AGAP1: variants seen among roughly 807,000 people sequenced by gnomAD.
The protein encoded by AGAP1 is ArfGAP with GTPase domain, ankyrin repeat and PH domain 1.
A neutral mutation model predicts 105.3 loss-of-function variants in AGAP1; 29 were observed. That is an observed-to-expected ratio of 0.28 (90% confidence interval 0.21 to 0.38). The LOEUF (loss-of-function observed/expected upper bound fraction) is 0.38, where lower values mean the gene tolerates loss of function less well. AGAP1 is among the 10% of genes least tolerant of loss of function. AGAP1 has a pLI of 1.00. For missense variants in AGAP1, 998 were observed against 1,165.1 expected (o/e 0.86, Z 2.09); for synonymous variants, 509 against 485.9 (o/e 1.05, Z -0.63).
chr2:235,834,143 C>T (rs1959822573), intron 9 of AGAP1, among the ~76,000 whole-genome samples: 2 of 152,124 alleles, frequency 1.3e-5, no homozygotes, highest in Non-Finnish European at 2.9e-5. Context: ...GGTTAGTTCT[C>T]AGCGTGATCA....
chr2:236,031,728 T>C (rs2057230254), intron 13 of AGAP1, among the ~76,000 whole-genome samples: 2 of 152,072 alleles, frequency 1.3e-5, no homozygotes, highest in Non-Finnish European at 2.9e-5. Context: ...CATCATTTTT[T>C]TCTGTCCTGG....
Position 235,522,013 on chromosome 2 carries a change from G to A in AGAP1, c.163+27164G>A, listed in dbSNP as rs77742623. ...GTCAAACTATTGGATGTTTGCCAGA[G>A]AGGCACAGCTTGGTTTTTGAATACA... On this transcript the variant is annotated intron_variant, in intron 1 of 17. Coordinates refer to ENST00000304032, the MANE Select transcript of AGAP1 (RefSeq NM_001037131.3). Among the ~76,000 whole-genome samples the A allele has an allele frequency of 2.0e-5, 3 of 152,250 alleles. No individual in the cohort carries two copies. In the East Asian group the frequency reaches 5.8e-4, roughly 29 times the overall value.
intron 1 of AGAP1, among the ~76,000 whole-genome samples, chr2:235,678,561 T>C (rs1185554947): frequency 6.6e-6 from 1 of 152,158 alleles, no homozygotes; most frequent in Non-Finnish European, 1.5e-5. Context: ...GTGTTGTTGC[T>C]GGTAGAATTG....
At chr2:235,511,052 C>T (rs1238181981) in intron 1 of AGAP1, among the ~76,000 whole-genome samples, 1 of 152,094 alleles carries the variant, frequency 6.6e-6, no homozygotes. Flanking sequence ...GGACATTTGG[C>T]CATGTCTGGG....
At position 235,866,953 on chromosome 2, in the gene AGAP1, G is replaced by A. The variant is rs756346490; in HGVS notation, c.1051-16392G>A. On this transcript the variant is annotated intron_variant, in intron 9 of 17. Transcript: ENST00000304032. The surrounding 1 kb of genome is among the most constrained non-coding windows in gnomAD (Gnocchi z 6.1). ...TAGAGTCACATCGTGAGTGCTGGGC[G>A]TTAGGATCTCAATATCTGAATTAGG... Among the ~76,000 whole-genome samples, 15 of 152,174 alleles carry A rather than the reference G, an allele frequency of 9.9e-5. No homozygotes were observed. Among genetic ancestry groups the A allele is most frequent in the African/African-American group, 2.7e-4 (11 of 41,430 alleles).
Position 235,611,672 on chromosome 2 carries a change from G to T in AGAP1, c.164-97507G>T, listed in dbSNP as rs1052822510. Reference sequence around the variant, plus strand: ...GATTGATAAGCAGGATAGTAAACCAGTTGTGAGGAACATTGTATAGAGAAA... The same window carrying T: ...GATTGATAAGCAGGATAGTAAACCATTTGTGAGGAACATTGTATAGAGAAA... On this transcript the variant is annotated intron_variant, in intron 1 of 17. Transcript: ENST00000304032. This position sits in a 1 kb window ranked among gnomAD's most constrained non-coding sequence, Gnocchi z 5.0. Among the ~76,000 whole-genome samples, 18 of 152,226 alleles carry T rather than the reference G, an allele frequency of 1.2e-4. No homozygotes were observed. Among genetic ancestry groups the T allele is most frequent in the Non-Finnish European group, 2.2e-4 (15 of 68,046 alleles).
In AGAP1 at chr2:235,609,131, C is replaced by CT. The variant is rs1260158242; in HGVS notation, c.164-100046dup. Among the ~76,000 whole-genome samples the CT allele has an allele frequency of 3.3e-5, 5 of 152,010 alleles. No individual in the cohort carries two copies. The highest frequency in any genetic ancestry group is 6.6e-5 in the Admixed American group (1 of 15,248). On this transcript the variant is annotated intron_variant, in intron 1 of 17. Transcript: ENST00000304032. This position sits in a 1 kb window ranked among gnomAD's most constrained non-coding sequence, Gnocchi z 5.1. ...GCTGATGAATTTGTTTCCTTCTTGCCTTATTTTTGGCAGTTTTCTTTCTTG... is the reference window on the plus strand; with the variant it reads ...GCTGATGAATTTGTTTCCTTCTTGCCTTTATTTTTGGCAGTTTTCTTTCTTG...
chr2:235,937,231 G>A (rs550782771), intron 12 of AGAP1, among the ~76,000 whole-genome samples: 42 of 152,270 alleles, frequency 2.8e-4, no homozygotes, highest in African/African-American at 8.7e-4. Context: ...AGGGCTGCTC[G>A]GCTCGCCAGG....
At position 235,664,700 on chromosome 2, in the gene AGAP1, G is replaced by T. The variant is rs1017890667; in HGVS notation, c.164-44479G>T. Among the ~76,000 whole-genome samples, 1 of 152,180 alleles carries T rather than the reference G, an allele frequency of 6.6e-6. No individual in the cohort carries two copies. The highest frequency in any genetic ancestry group is 1.5e-5 in the Non-Finnish European group (1 of 68,030). On this transcript the variant is annotated intron_variant, in intron 1 of 17. Coordinates refer to ENST00000304032, the MANE Select transcript of AGAP1 (RefSeq NM_001037131.3). This position sits in a 1 kb window ranked among gnomAD's most constrained non-coding sequence, Gnocchi z 5.7. The stretch of plus-strand genomic sequence containing the variant: ...AGTGGAAATGAAGTCTCAGTGTGGG[G>T]TCCGATGCTTCCTATGGCTGCATGG...
At chr2:235,527,109 A>G (rs1332149561) in intron 1 of AGAP1, among the ~76,000 whole-genome samples, 1 of 152,168 alleles carries the variant, frequency 6.6e-6, no homozygotes. Context: ...TGTAGCAATC[A>G]GTAGAAATAG....
intron 1 of AGAP1, among the ~76,000 whole-genome samples, chr2:235,651,208 AAAAAAAAAAG>A (rs1192505317): frequency 4.3e-5 from 6 of 140,482 alleles, no homozygotes; most frequent in Non-Finnish European, 6.1e-5. Flanking sequence ...AAAAAAAAAA[AAAAAAAAAAG>A]AGACACCCTT....
chr2:235,648,367 C>G (rs191943831), intron 1 of AGAP1, among the ~76,000 whole-genome samples: 1 of 152,340 alleles, frequency 6.6e-6, no homozygotes, highest in Admixed American at 6.5e-5. Context: ...TGCATTCTCC[C>G]TTCATCAGTG....
intron 1 of AGAP1, among the ~76,000 whole-genome samples, chr2:235,648,743 T>G (rs1947479090): frequency 6.8e-6 from 1 of 147,990 alleles, no homozygotes; most frequent in South Asian, 2.1e-4. Flanking sequence ...AAACATTAGC[T>G]GGGCATGGTG....
At position 235,752,565 on chromosome 2, in the gene AGAP1, G is replaced by GA. The variant is rs1425864858; in HGVS notation, c.673+2078dup. ...GCCCCTCTCCAGCTGTGACAGCAGAGATGAGGGTCTTTGCGGCCTGAGAAG... is the reference window on the plus strand; with the variant it reads ...GCCCCTCTCCAGCTGTGACAGCAGAGAATGAGGGTCTTTGCGGCCTGAGAAG... On this transcript the variant is annotated intron_variant, in intron 6 of 17. Coordinates refer to ENST00000304032, the MANE Select transcript of AGAP1 (RefSeq NM_001037131.3). This position sits in a 1 kb window ranked among gnomAD's most constrained non-coding sequence, Gnocchi z 4.3. Among the ~76,000 whole-genome samples the GA allele has an allele frequency of 6.6e-6, 1 of 152,200 alleles. No individual in the cohort carries two copies. The highest frequency in any genetic ancestry group is 2.4e-5 in the African/African-American group (1 of 41,460).
chr2:235,854,491 G>A (rs1273608290), intron 9 of AGAP1, among the ~76,000 whole-genome samples: 1 of 152,212 alleles, frequency 6.6e-6, no homozygotes, highest in African/African-American at 2.4e-5. Context: ...ACAGAGGTGG[G>A]GGAGGATGGC....
chr2:235,604,572 C>CTTTTTTTTTTTTTTTTTTTTTTT (rs1166523228), intron 1 of AGAP1, among the ~76,000 whole-genome samples: 3 of 69,672 alleles, frequency 4.3e-5, no homozygotes, highest in African/African-American at 6.7e-5. Flanking sequence ...TTTTTATTAT[C>CTTTTTTTTTTTTTTTTTTTTTTT]TTTTTTTTTT....
At chr2:235,944,120 C>T (rs2053387638) in intron 12 of AGAP1, among the ~76,000 whole-genome samples, 1 of 152,120 alleles carries the variant, frequency 6.6e-6, no homozygotes, top group African/African-American at 2.4e-5. Flanking sequence ...TTTTTAAAAT[C>T]TTACTATAGT....
At chr2:235,666,679 A>G (rs1307256658) in intron 1 of AGAP1, among the ~76,000 whole-genome samples, 1 of 150,414 alleles carries the variant, frequency 6.6e-6, no homozygotes, top group African/African-American at 2.5e-5. Context: ...CTCATATGGC[A>G]AAGTGCAAAA....
rs557293728 is a variant in AGAP1 at position 235,667,060 on chromosome 2, A to C, written c.164-42119A>C. ...TTAAGTCTGTACAGCTGCAGTGATA[A>C]AATTTTAGACTTTTGCCATATTTTA... On this transcript the variant is annotated intron_variant, in intron 1 of 17. Coordinates refer to ENST00000304032, the MANE Select transcript of AGAP1 (RefSeq NM_001037131.3). Among the ~76,000 whole-genome samples the C allele has an allele frequency of 2.0e-5, 3 of 152,214 alleles. No homozygotes were observed. In the East Asian group the frequency reaches 5.8e-4, roughly 29 times the overall value.
Sources: gnomAD v4.1 joint callset for allele counts (sites outside exome capture counted in the v4.1 genomes callset) on GRCh38, gnomAD v4.1.1 for gene constraint, Gnocchi (gnomAD v3.1) non-coding constraint, MANE v1.5 for transcripts, NCBI Gene and HGNC (gene_info 2026-07-23, HGNC 2026-07-21) for gene names.